Variants in RAPGEF2 observed in about 807,000 individuals in gnomAD.
RAPGEF2 encodes the protein Rap guanine nucleotide exchange factor 2.
RAPGEF2 carries 54 observed loss-of-function variants against 186.7 expected under a neutral mutation model. The ratio of observed to expected loss-of-function variants is 0.29; its 90% CI spans 0.23 to 0.36. The LOEUF (loss-of-function observed/expected upper bound fraction) is 0.36. Among genes scored for constraint, RAPGEF2 ranks in the 10% least tolerant of loss-of-function variants. The pLI is 1.00. For synonymous variants in RAPGEF2, 712 were observed against 705.9 expected, an observed-to-expected ratio of 1.01 and a Z score of -0.14; for missense variants, 1,532 against 2,045.0, an observed-to-expected ratio of 0.75 and a Z score of 4.84.
intron 1 of RAPGEF2, among the ~76,000 whole-genome samples, chr4:159,129,160 GA>G (rs763531500): frequency 4.6e-5 from 7 of 151,796 alleles, no homozygotes; most frequent in Admixed American, 6.6e-5. Context: ...ATCTTGAATA[GA>G]AATCTTATCG....
intron 17 of RAPGEF2, among the ~76,000 whole-genome samples, chr4:159,337,428 T>C (rs1180651318): frequency 6.6e-6 from 1 of 152,246 alleles, no homozygotes; most frequent in Non-Finnish European, 1.5e-5. Context: ...GATTATAAAA[T>C]AATTTATCAT....
At chr4:159,211,202 C>A (rs1750493485) in intron 4 of RAPGEF2, among the ~76,000 whole-genome samples, 1 of 152,108 alleles carries the variant, frequency 6.6e-6, no homozygotes. Context: ...TTAGATTCCT[C>A]AGGATACAAT....
At chr4:159,241,159 G>A in intron 5 of RAPGEF2, 42 bp from the exon 6 acceptor site, 1 of 1,382,902 alleles carries the variant, frequency 7.2e-7, no homozygotes, top group Non-Finnish European at 9.5e-7. Flanking sequence ...AATAGGAAAT[G>A]TTGTGTTTGG....
rs1011463953 is a variant in RAPGEF2 at position 159,105,960 on chromosome 4, C to A, written c.69+1729C>A. 2.6e-5 allele frequency among the ~76,000 whole-genome samples: 4 copies of A among 152,222 alleles called. No homozygotes were observed. In the East Asian group the frequency reaches 7.7e-4, roughly 29 times the overall value. On this transcript the variant is annotated intron_variant, in intron 1 of 29. Transcript: ENST00000691494. ...TTAGAAGAATAACAATGACTAAAAC[C>A]TACTATCAGGTTGGGGGGCGGGTCA...
chr4:159,286,722 A>G (rs1579770871), intron 7 of RAPGEF2, among the ~76,000 whole-genome samples: 1 of 152,138 alleles, frequency 6.6e-6, no homozygotes, highest in Non-Finnish European at 1.5e-5. Context: ...TTTTGCTCAG[A>G]ATTTTATCTG....
chr4:159,288,216 C>T (rs1047482561), intron 7 of RAPGEF2, among the ~76,000 whole-genome samples: 4 of 152,186 alleles, frequency 2.6e-5, no homozygotes, highest in African/African-American at 7.2e-5. Context: ...ATCCATATTT[C>T]ATAAGTTACC....
chr4:159,104,528 G>GAGAC (rs1737616809), intron 1 of RAPGEF2, among the ~76,000 whole-genome samples: 1 of 97,298 alleles, frequency 1.0e-5, no homozygotes, highest in African/African-American at 4.6e-5. Context: ...GAGAGAGAGG[G>GAGAC]AGAGACAGAG....
intron 4 of RAPGEF2, among the ~76,000 whole-genome samples, chr4:159,234,122 A>G (rs1348553885): frequency 6.6e-6 from 1 of 152,164 alleles, no homozygotes; most frequent in Non-Finnish European, 1.5e-5. Context: ...TTACTAAAAA[A>G]AAAAACTGCT....
intron 7 of RAPGEF2, among the ~76,000 whole-genome samples, chr4:159,268,677 A>G (rs966428402): frequency 6.6e-6 from 1 of 152,188 alleles, no homozygotes; most frequent in Admixed American, 6.5e-5. Context: ...AGTGGGACTC[A>G]TCTGATTTCT....
At chr4:159,179,051 G>A (rs1746751471) in intron 1 of RAPGEF2, among the ~76,000 whole-genome samples, 1 of 152,122 alleles carries the variant, frequency 6.6e-6, no homozygotes, top group Non-Finnish European at 1.5e-5. Context: ...TATAACTTCA[G>A]TCTACTTTCA....
intron 7 of RAPGEF2, among the ~76,000 whole-genome samples, chr4:159,277,480 G>A (rs13150322): frequency 0.3 from 46,254 of 151,856 alleles, 7,918 homozygotes; most frequent in Non-Finnish European, 0.39. Flanking sequence ...TTCTAGTTCT[G>A]GATCCCTGAG....
chr4:159,145,449 C>G (rs1742847880), intron 1 of RAPGEF2, among the ~76,000 whole-genome samples: 2 of 152,068 alleles, frequency 1.3e-5, no homozygotes, highest in Admixed American at 6.6e-5. Context: ...ATCTATATAA[C>G]AGCGTATTGA....
chr4:159,332,665 T>C lies in RAPGEF2; in HGVS notation c.2103T>C (p.Thr701=). The C allele has an allele frequency of 1.2e-6, 2 of 1,614,136 alleles. No homozygotes were observed. Among genetic ancestry groups the C allele is most frequent in the Non-Finnish European group, 1.7e-6 (2 of 1,179,988 alleles). Residue 701 remains threonine (T), a synonymous_variant, in exon 17 of 30, where the codon ACT becomes ACC. Coordinates refer to ENST00000691494, the MANE Select transcript of RAPGEF2 (RefSeq NM_001394067.2). ...RNKLKKILDK[T]RISILPQKPY... The stretch of plus-strand genomic sequence containing the variant: ...AGCTGAAAAAGATACTCGACAAGAC[T>C]CGGATCAGTATCTTGCCACAGAAAC...
At chr4:159,219,577 G>A (rs1411272271) in intron 4 of RAPGEF2, among the ~76,000 whole-genome samples, 2 of 152,026 alleles carry the variant, frequency 1.3e-5, no homozygotes, top group African/African-American at 2.4e-5. Context: ...GGATGGTCTT[G>A]ATCGCCTGAC....
intron 3 of RAPGEF2, 139 bp downstream of exon 3, chr4:159,193,395 T>C (rs1334476529): frequency 2.3e-6 from 1 of 433,530 alleles, no homozygotes; most frequent in Admixed American, 4.3e-5. Flanking sequence ...AAACATTTTA[T>C]CTGTTTCCTG....
chr4:159,256,415 A>G (rs1291052582), intron 7 of RAPGEF2, among the ~76,000 whole-genome samples: 1 of 152,180 alleles, frequency 6.6e-6, no homozygotes, highest in Non-Finnish European at 1.5e-5. Context: ...GCCATGGTGT[A>G]TATGTATCAA....
At chr4:159,288,709 T>C (rs1760810991) in intron 7 of RAPGEF2, among the ~76,000 whole-genome samples, 1 of 152,178 alleles carries the variant, frequency 6.6e-6, no homozygotes, top group Non-Finnish European at 1.5e-5. Context: ...TACCTTCCAG[T>C]GCATGAACTC....
Position 159,352,696 on chromosome 4 carries a change from G to A in RAPGEF2, c.3877G>A (p.Ala1293Thr). ...QSSPRKGYTL[A>T]PSGTVDNFSD... ...TATTTCTCATGCAGGCTATACTTTG[G>A]CTCCCAGTGGTACTGTGGATAATTT... Residue 1293 changes from alanine (A) to threonine (T), a missense_variant, in exon 27 of 30, where the codon GCT (alanine) becomes ACT (threonine). Physicochemically the swap from Ala to Thr is moderately conservative, Grantham distance 58 (BLOSUM62 0). This residue lies in a region of RAPGEF2 where 594 missense variants were observed against 608.5 expected (regional missense o/e 0.98). Coordinates refer to ENST00000691494, the MANE Select transcript of RAPGEF2 (RefSeq NM_001394067.2). 6.2e-7 allele frequency: 1 copy of A among 1,612,388 alleles called. No individual in the cohort carries two copies. The highest frequency in any genetic ancestry group is 8.5e-7 in the Non-Finnish European group (1 of 1,178,442).
chr4:159,149,420 G>A (rs957417805), intron 1 of RAPGEF2, among the ~76,000 whole-genome samples: 1 of 151,904 alleles, frequency 6.6e-6, no homozygotes, highest in African/African-American at 2.4e-5. Context: ...CACCACACCC[G>A]GCTAATTTTT....
Sources: allele counts gnomAD v4.1 joint callset (sites outside exome capture counted in the v4.1 genomes callset), GRCh38; gene constraint gnomAD v4.1.1; regional missense constraint gnomAD v4.1.1; transcripts MANE v1.5; gene names NCBI Gene and HGNC (gene_info 2026-07-23, HGNC 2026-07-21).